The following PRKCH variants were observed in gnomAD, a reference collection of about 807,000 sequenced individuals.
PRKCH encodes protein kinase C eta.
PRKCH carries 28 observed loss-of-function variants against 82.5 expected under a neutral mutation model. The observed-to-expected ratio is 0.34, with a 90% CI of 0.25 to 0.47. PRKCH has a LOEUF of 0.47. Ranked by LOEUF, PRKCH falls within the 20% of genes least tolerant of loss-of-function variation. The probability of loss-of-function intolerance (pLI) is 1.00; values close to 1 mark genes in which losing one functional copy is unlikely to be tolerated. For synonymous variants in PRKCH, 322 were observed against 327.4 expected, an observed-to-expected ratio of 0.98 and a Z score of 0.18; for missense variants, 705 against 881.8, an observed-to-expected ratio of 0.80 and a Z score of 2.54.
At chr14:61,233,732 T>C (rs1309367971) in intron 1 of PRKCH, among the ~76,000 whole-genome samples, 1 of 152,206 alleles carries the variant, frequency 6.6e-6, no homozygotes, top group Non-Finnish European at 1.5e-5. Flanking sequence ...CCCCTTGAGC[T>C]TGACACTTCC....
At chr14:61,548,241 C>T (rs910174265) in intron 13 of PRKCH, among the ~76,000 whole-genome samples, 1 of 152,072 alleles carries the variant, frequency 6.6e-6, no homozygotes, top group African/African-American at 2.4e-5. Context: ...TCCTCATGCT[C>T]CTTGGGGCAC....
At chr14:61,232,850 C>T (rs371173715) in intron 1 of PRKCH, among the ~76,000 whole-genome samples, 2 of 152,074 alleles carry the variant, frequency 1.3e-5, no homozygotes, top group African/African-American at 4.8e-5. Flanking sequence ...TTCATGTGAC[C>T]GTACCCCATC....
At chr14:61,391,028 T>C (rs1339040404) in intron 1 of PRKCH, among the ~76,000 whole-genome samples, 197 bp from the exon 2 acceptor site, 1 of 152,174 alleles carries the variant, frequency 6.6e-6, no homozygotes, top group Non-Finnish European at 1.5e-5. Flanking sequence ...ACTGATAAAA[T>C]GTGGTTTCTT....
chr14:61,276,119 C>A (rs1949289083), intron 1 of PRKCH, among the ~76,000 whole-genome samples: 1 of 152,074 alleles, frequency 6.6e-6, no homozygotes, highest in Admixed American at 6.5e-5. Flanking sequence ...ATGTAAGAAT[C>A]TCTTTGGGAC....
chr14:61,439,921 G>A (rs4902060), intron 2 of PRKCH, among the ~76,000 whole-genome samples: 126,923 of 152,176 alleles, frequency 0.83, 55,381 homozygotes, highest in Non-Finnish European at 0.95. Context: ...ATAGGATTCA[G>A]TTGATGAAAT....
intron 1 of PRKCH, among the ~76,000 whole-genome samples, chr14:61,268,670 GC>G (rs1272517721): frequency 2.0e-5 from 3 of 152,066 alleles, no homozygotes; most frequent in Non-Finnish European, 4.4e-5. Context: ...GCTGCCCCCT[GC>G]CAAAAAATAT....
chr14:61,232,983 A>G (rs1162723587), intron 1 of PRKCH, among the ~76,000 whole-genome samples: 2 of 152,212 alleles, frequency 1.3e-5, no homozygotes, highest in African/African-American at 4.8e-5. Flanking sequence ...TATATTTCAT[A>G]GTATCATTGT....
intron 1 of PRKCH, among the ~76,000 whole-genome samples, chr14:61,222,298 G>A (rs144911277): frequency 3.2e-4 from 48 of 152,272 alleles, no homozygotes; most frequent in African/African-American, 1.1e-3. Flanking sequence ...GTTGCTCAGT[G>A]TCTTACTTTA....
At chr14:61,527,530 G>A (rs1156638221) in intron 10 of PRKCH, among the ~76,000 whole-genome samples, 1 of 151,990 alleles carries the variant, frequency 6.6e-6, no homozygotes, top group Non-Finnish European at 1.5e-5. Context: ...CACTGTCCTG[G>A]TTCAGGTCTT....
chr14:61,210,849 A>G (rs533117054), intron 1 of PRKCH, among the ~76,000 whole-genome samples: 1 of 150,802 alleles, frequency 6.6e-6, no homozygotes, highest in Non-Finnish European at 1.5e-5. Context: ...CCTGGGTTGA[A>G]TTAGAGAAGC....
intron 1 of PRKCH, among the ~76,000 whole-genome samples, chr14:61,233,346 AAGCCACTGC>A (rs2044759389): frequency 3.9e-5 from 6 of 152,092 alleles, no homozygotes. Flanking sequence ...AGCCATAATC[AAGCCACTGC>A]ACTCTGCTCT....
chr14:61,419,628 G>A (rs1311682009), intron 2 of PRKCH, among the ~76,000 whole-genome samples: 1 of 152,204 alleles, frequency 6.6e-6, no homozygotes, highest in East Asian at 1.9e-4. Flanking sequence ...ACTCTGCCCA[G>A]GGTCCCTGAC....
At chr14:61,527,092 C>T (rs1010749796) in intron 10 of PRKCH, among the ~76,000 whole-genome samples, 3 of 152,190 alleles carry the variant, frequency 2.0e-5, no homozygotes, top group Non-Finnish European at 4.4e-5. Flanking sequence ...TGCTGGGAAG[C>T]GGGTTTTTTT....
intron 1 of PRKCH, among the ~76,000 whole-genome samples, chr14:61,367,090 T>G (rs1357006910): frequency 2.0e-5 from 3 of 152,172 alleles, no homozygotes; most frequent in Admixed American, 2.0e-4. Flanking sequence ...TATGCAGGAC[T>G]TTTTCTTACT....
In PRKCH at chr14:61,456,931, A is replaced by G. The variant is rs1400507766; in HGVS notation, c.961-245A>G. The stretch of plus-strand genomic sequence containing the variant: ...TTCCATGCACTTCCACTTGAGCGCT[A>G]ACTGTAACTCCATGGCTTAGACGTA... On this transcript the variant is annotated intron_variant, in intron 7 of 13. Coordinates refer to ENST00000332981, the MANE Select transcript of PRKCH (RefSeq NM_006255.5). 7.5e-6 allele frequency: 3 copies of G among 398,764 alleles called. No individual in the cohort carries two copies. In the East Asian group the frequency reaches 1.4e-4, roughly 18 times the overall value. 24.7% of individuals were successfully genotyped at this position (398,764 alleles called of 1,614,324 possible).
At chr14:61,258,097 C>G (rs1477262005) in intron 1 of PRKCH, among the ~76,000 whole-genome samples, 1 of 151,950 alleles carries the variant, frequency 6.6e-6, no homozygotes, top group African/African-American at 2.4e-5. Flanking sequence ...TAAAAACTCG[C>G]AATAGTTAAT....
chr14:61,256,029 G>A (rs1017445812), intron 1 of PRKCH, among the ~76,000 whole-genome samples: 2 of 152,148 alleles, frequency 1.3e-5, no homozygotes, highest in South Asian at 2.1e-4. Context: ...GTTTAGTGGC[G>A]CGAGTCTGGG....
At chr14:61,204,717 T>G (rs1228085549) in intron 1 of PRKCH, among the ~76,000 whole-genome samples, 1 of 149,504 alleles carries the variant, frequency 6.7e-6, no homozygotes, top group Non-Finnish European at 1.5e-5. Context: ...GCCATGTTCA[T>G]GCCACTGCAC....
chr14:61,520,945 T>C (rs1420020414), intron 10 of PRKCH, among the ~76,000 whole-genome samples: 3 of 152,224 alleles, frequency 2.0e-5, no homozygotes, highest in African/African-American at 4.8e-5. Context: ...ATTACTCCAT[T>C]GTTTGAAGTT....
Sources: gnomAD v4.1 joint callset for allele counts (sites outside exome capture counted in the v4.1 genomes callset) on GRCh38, gnomAD v4.1.1 for gene constraint, MANE v1.5 for transcripts, NCBI Gene and HGNC (gene_info 2026-07-23, HGNC 2026-07-21) for gene names.